The following NWD2 variants were observed in gnomAD, a reference collection of about 807,000 sequenced individuals.
The protein encoded by NWD2 is NACHT and WD repeat domain-containing protein 2.
In NWD2, 37 loss-of-function variants were observed where a neutral mutation model predicts 132.7. The observed-to-expected ratio is 0.28, with a 90% confidence interval of 0.21 to 0.37. The LOEUF is 0.37. Ranked by LOEUF, NWD2 falls within the 10% of genes least tolerant of loss-of-function variation. The pLI is 1.00. For missense variants in NWD2, 1,592 were observed against 2,122.4 expected, an observed-to-expected ratio of 0.75 and a Z score of 4.91; for synonymous variants, 705 against 803.0, an observed-to-expected ratio of 0.88 and a Z score of 2.06.
At chr4:37,387,787 G>A (rs564176004) in intron 3 of NWD2, among the ~76,000 whole-genome samples, 4 of 143,988 alleles carry the variant, frequency 2.8e-5, no homozygotes, top group African/African-American at 5.2e-5. Context: ...CGATTCTCCC[G>A]CCTCAGCCTA....
intron 1 of NWD2, among the ~76,000 whole-genome samples, chr4:37,251,054 G>A (rs1034083040): frequency 5.3e-5 from 8 of 152,200 alleles, no homozygotes; most frequent in African/African-American, 1.7e-4. Flanking sequence ...GTGAGTGGGC[G>A]GATCACTTGA....
chr4:37,418,953 T>A (rs1399705266), intron 3 of NWD2, among the ~76,000 whole-genome samples: 1 of 151,724 alleles, frequency 6.6e-6, no homozygotes, highest in Non-Finnish European at 1.5e-5. Flanking sequence ...TTTTATTGGC[T>A]GCATAAGAAC....
Position 37,335,695 on chromosome 4 carries a change from G to A in NWD2, c.240+9671G>A, listed in dbSNP as rs182227868. ...ACCCTATCGTGAACTGTGCTTGCGA[G>A]GGATCTAGGTTGTGGACTCCTTATG... On this transcript the variant is annotated intron_variant, in intron 2 of 6. Transcript: ENST00000309447. Among the ~76,000 whole-genome samples, 3 of 151,670 alleles carry A rather than the reference G, an allele frequency of 2.0e-5. No homozygotes were observed. The East Asian group carries it at 5.8e-4, about 29-fold the overall frequency.
At chr4:37,328,858 A>AT (rs1045340348) in intron 2 of NWD2, among the ~76,000 whole-genome samples, 2 of 151,924 alleles carry the variant, frequency 1.3e-5, no homozygotes, top group Non-Finnish European at 2.9e-5. Flanking sequence ...AGTATCAGAT[A>AT]TTTTTTCTTG....
intron 1 of NWD2, among the ~76,000 whole-genome samples, chr4:37,280,152 T>C (rs1222772366): frequency 1.3e-5 from 2 of 152,228 alleles, no homozygotes; most frequent in African/African-American, 4.8e-5. Flanking sequence ...CGAATTGATA[T>C]AAGTAAGAGT....
chr4:37,394,370 GATGCTAGACATAAATAACAGTT>G (rs769318858), intron 3 of NWD2, among the ~76,000 whole-genome samples: 383 of 152,350 alleles, frequency 2.5e-3, no homozygotes, highest in Non-Finnish European at 4.3e-3. Context: ...GCTCAGAGCA[GATGCTAGACATAAATAACAGTT>G]ATTGATTAAT....
At chr4:37,433,516 C>T (rs1244928539) in intron 4 of NWD2, among the ~76,000 whole-genome samples, 1 of 152,190 alleles carries the variant, frequency 6.6e-6, no homozygotes, top group Non-Finnish European at 1.5e-5. Context: ...ATAAAGACAA[C>T]TAGATATAAC....
chr4:37,356,608 A>C, intron 3 of NWD2, 126 bp downstream of exon 3: 1 of 624,256 alleles, frequency 1.6e-6, no homozygotes, highest in Non-Finnish European at 2.8e-6. Flanking sequence ...CTATTTAAAC[A>C]TTTTAAGCTG....
chr4:37,419,829 C>G (rs1315762593), intron 3 of NWD2, among the ~76,000 whole-genome samples: 4 of 152,194 alleles, frequency 2.6e-5, no homozygotes, highest in Admixed American at 2.6e-4. Context: ...TCAAACATCT[C>G]TTATAGAATA....
chr4:37,431,633 C>T (rs1255849537), intron 4 of NWD2, among the ~76,000 whole-genome samples: 1 of 152,116 alleles, frequency 6.6e-6, no homozygotes, highest in Admixed American at 6.6e-5. Context: ...TTACCACCCA[C>T]CAAAACAAAG....
rs138220969 is a variant in NWD2 at position 37,300,660 on chromosome 4, G to GTA, written c.152-25271_152-25270dup. Among the ~76,000 whole-genome samples the GTA allele has an allele frequency of 1.2e-3, 186 of 152,082 alleles. 1 individual carries two copies. The highest frequency in any genetic ancestry group is 4.1e-3 in the African/African-American group (169 of 41,516). Reference sequence around the variant, plus strand: ...GTTTTGTCATAATAAAGCACAAAAAGTATATAAGTTTCTTCAATAGCATGC... The same window carrying GTA: ...GTTTTGTCATAATAAAGCACAAAAAGTATATATAAGTTTCTTCAATAGCATGC... On this transcript the variant is annotated intron_variant, in intron 1 of 6. Coordinates refer to ENST00000309447, the MANE Select transcript of NWD2 (RefSeq NM_001144990.2).
intron 1 of NWD2, among the ~76,000 whole-genome samples, chr4:37,306,699 G>A (rs1047188224): frequency 6.6e-6 from 1 of 152,216 alleles, no homozygotes; most frequent in Non-Finnish European, 1.5e-5. Context: ...GTTAAGACTT[G>A]TTTTGCAGCC....
At chr4:37,275,514 T>C (rs1009371239) in intron 1 of NWD2, among the ~76,000 whole-genome samples, 7 of 152,122 alleles carry the variant, frequency 4.6e-5, no homozygotes, top group Non-Finnish European at 7.4e-5. Context: ...AGGTAATTTA[T>C]AGATTCAATG....
At chr4:37,374,146 C>T (rs1411973288) in intron 3 of NWD2, among the ~76,000 whole-genome samples, 1 of 152,092 alleles carries the variant, frequency 6.6e-6, no homozygotes, top group Non-Finnish European at 1.5e-5. Context: ...TGGGGCTTTC[C>T]CCATAGTAAT....
chr4:37,387,775 A>G (rs1025074909), intron 3 of NWD2, among the ~76,000 whole-genome samples: 4 of 149,132 alleles, frequency 2.7e-5, no homozygotes, highest in Admixed American at 1.4e-4. Context: ...TCCAGGTTCA[A>G]GCGATTCTCC....
At chr4:37,389,076 A>G (rs527351850) in intron 3 of NWD2, among the ~76,000 whole-genome samples, 29 of 152,352 alleles carry the variant, frequency 1.9e-4, no homozygotes, top group Non-Finnish European at 3.4e-4. Context: ...ACAGATGATC[A>G]AGAAACACCC....
chr4:37,323,269 C>A (rs9998839), intron 1 of NWD2, among the ~76,000 whole-genome samples: 7 of 152,028 alleles, frequency 4.6e-5, no homozygotes, highest in African/African-American at 1.7e-4. Flanking sequence ...AGACAACCTA[C>A]CGAATGGAAG....
chr4:37,406,832 G>A (rs1482911377), intron 3 of NWD2, among the ~76,000 whole-genome samples: 2 of 152,188 alleles, frequency 1.3e-5, no homozygotes, highest in Non-Finnish European at 2.9e-5. Flanking sequence ...GGAGGCAGGG[G>A]TTGCAGTGAG....
chr4:37,399,094 T>C (rs937697454), intron 3 of NWD2, among the ~76,000 whole-genome samples: 1 of 152,370 alleles, frequency 6.6e-6, no homozygotes, highest in African/African-American at 2.4e-5. Flanking sequence ...ATGTTCTTTT[T>C]AAATGGCGGC....
Sources: gnomAD v4.1 joint callset for allele counts (sites outside exome capture counted in the v4.1 genomes callset) on GRCh38, gnomAD v4.1.1 for gene constraint, MANE v1.5 for transcripts, NCBI Gene and HGNC (gene_info 2026-07-23, HGNC 2026-07-21) for gene names.